GK3: variants seen among roughly 807,000 people sequenced by gnomAD.
GK3 encodes the protein glycerol kinase 3, also known as glycerol kinase 3 pseudogene.
chr4:165,279,636 A>G, the GK3 span: 2 of 1,611,194 alleles, frequency 1.2e-6, no homozygotes, highest in Non-Finnish European at 8.5e-7. Flanking sequence ...GCCTTCTTTG[A>G]GGCTGCCATG....
chr4:165,279,630 T>C, the GK3 span: 4 of 1,611,344 alleles, frequency 2.5e-6, no homozygotes, highest in South Asian at 3.3e-5. Flanking sequence ...AAAACTGCCT[T>C]CTTTGAGGCT....
chr4:165,278,224 A>C, the GK3 span: 2 of 1,173,838 alleles, frequency 1.7e-6, no homozygotes, highest in Admixed American at 3.4e-5. Context: ...CCTCAGGTTC[A>C]AGACTCCATA....
the GK3 span, chr4:165,278,925 C>A: frequency 1.1e-5 from 15 of 1,419,662 alleles, no homozygotes; most frequent in Non-Finnish European, 1.5e-5. Context: ...TTCATTAGGC[C>A]ATAGATCTCA....
the GK3 span, chr4:165,278,762 A>G: frequency 6.3e-7 from 1 of 1,576,188 alleles, no homozygotes; most frequent in South Asian, 1.1e-5. Flanking sequence ...ATGATCAGAA[A>G]ATACACACTT....
chr4:165,279,090 A>C, the GK3 span: 88 of 1,571,464 alleles, frequency 5.6e-5, 1 homozygote, highest in South Asian at 9.8e-4. Flanking sequence ...CCTCCTGTCA[A>C]ACTCCAAATA....
At chr4:165,279,180 A>G in the GK3 span, 1 of 1,591,934 alleles carries the variant, frequency 6.3e-7, no homozygotes, top group Non-Finnish European at 8.6e-7. Context: ...TCGAGGAGCC[A>G]GCGAAGTTTC....
chr4:165,279,111 C>G, the GK3 span: 1 of 1,592,826 alleles, frequency 6.3e-7, no homozygotes, highest in Non-Finnish European at 8.6e-7. Context: ...AGCCATGAAT[C>G]AATAGTCCCA....
At chr4:165,277,963 G>T in the GK3 span, 2 of 1,074,744 alleles carry the variant, frequency 1.9e-6, no homozygotes, top group South Asian at 1.2e-5. Context: ...CGCATCTTGG[G>T]AATCCATGAG....
the GK3 span, chr4:165,278,027 A>G: frequency 2.0e-6 from 3 of 1,486,278 alleles, no homozygotes; most frequent in South Asian, 1.1e-5. Context: ...TAACATTGCC[A>G]TGCTACTCAC....
At chr4:165,279,471 C>G in the GK3 span, 1 of 1,596,308 alleles carries the variant, frequency 6.3e-7, no homozygotes, top group South Asian at 1.1e-5. Flanking sequence ...TGTAGAATTT[C>G]CTTAGGGTCC....
chr4:165,279,000 C>G, the GK3 span: 6 of 1,495,338 alleles, frequency 4.0e-6, no homozygotes, highest in Non-Finnish European at 5.6e-6. Context: ...AGTTGTTTAT[C>G]CCATTCCAAA....
the GK3 span, chr4:165,278,254 C>T: frequency 1.8e-6 from 2 of 1,104,804 alleles, no homozygotes; most frequent in Non-Finnish European, 2.8e-6. Context: ...CTTCTGCAGC[C>T]CCTGCCGCCA....
chr4:165,278,690 T>C, the GK3 span: 2 of 1,604,158 alleles, frequency 1.2e-6, no homozygotes, highest in Admixed American at 1.7e-5. Flanking sequence ...TACAGAACCT[T>C]CCAAAGCGTA....
chr4:165,278,530 C>T, the GK3 span: 26 of 1,609,384 alleles, frequency 1.6e-5, no homozygotes, highest in Non-Finnish European at 2.0e-5. Context: ...CGCTGGGCTC[C>T]CAATAAGGTG....
chr4:165,278,424 A>T, the GK3 span: 1 of 1,466,092 alleles, frequency 6.8e-7, no homozygotes, highest in Non-Finnish European at 9.6e-7. Context: ...ATGGCATCCA[A>T]AATCTCTCGA....
chr4:165,279,345 C>G, the GK3 span: 1 of 1,578,326 alleles, frequency 6.3e-7, no homozygotes, highest in East Asian at 2.2e-5. Flanking sequence ...GTTATCTTGT[C>G]CCAGACTACG....
chr4:165,279,664 G>T, the GK3 span: 7 of 1,605,600 alleles, frequency 4.4e-6, no homozygotes, highest in South Asian at 4.4e-5. Flanking sequence ...CTTCAGGTCC[G>T]CCCGCGTTTG....
the GK3 span, chr4:165,278,504 C>CA: frequency 6.2e-7 from 1 of 1,602,620 alleles, no homozygotes. Context: ...AGTGAGTCCA[C>CA]AGATTATCCC....
the GK3 span, chr4:165,279,603 C>A: frequency 3.7e-6 from 6 of 1,610,408 alleles, no homozygotes; most frequent in Middle Eastern, 1.7e-4. Context: ...TGGTCCACTG[C>A]CCCCACCAAT....
Sources: allele counts gnomAD v4.1 joint callset, GRCh38; gene constraint gnomAD v4.1.1; transcripts MANE v1.5; gene names NCBI Gene and HGNC (gene_info 2026-07-23, HGNC 2026-07-21).